Variants in LYST observed in about 807,000 individuals in gnomAD.
The protein encoded by LYST is lysosomal-trafficking regulator.
LYST carries 192 observed loss-of-function variants against 413.6 expected under a neutral mutation model. That is an observed-to-expected ratio of 0.46 (90% confidence interval 0.41 to 0.52). The LOEUF is 0.52. Ranked by LOEUF, LYST falls within the 20% of genes least tolerant of loss-of-function variation. LYST has a pLI of 0.00. For missense variants in LYST, 3,815 were observed against 4,499.9 expected, an observed-to-expected ratio of 0.85 and a Z score of 4.35; for synonymous variants, 1,525 against 1,567.3, an observed-to-expected ratio of 0.97 and a Z score of 0.64.
chr1:235,746,665 A>G (rs1665957189), intron 28 of LYST, 138 bp from the exon 29 acceptor site: 1 of 690,880 alleles, frequency 1.4e-6, no homozygotes, highest in Non-Finnish European at 2.6e-6. Flanking sequence ...GAAAGGAAAG[A>G]GTGATTAAGA....
intron 3 of LYST, among the ~76,000 whole-genome samples, chr1:235,814,436 ACTTT>A (rs1673815860): frequency 6.6e-6 from 1 of 152,224 alleles, no homozygotes; most frequent in Admixed American, 6.5e-5. Context: ...GAAACTCCGG[ACTTT>A]AAAGACTTAA....
At chr1:235,825,966 G>A (rs1675286819) in intron 3 of LYST, among the ~76,000 whole-genome samples, 1 of 152,122 alleles carries the variant, frequency 6.6e-6, no homozygotes. Context: ...ACAGGGTACT[G>A]ATAAAAGACT....
chr1:235,834,303 C>G (rs1259984545), intron 1 of LYST, among the ~76,000 whole-genome samples: 3 of 152,056 alleles, frequency 2.0e-5, no homozygotes, highest in Non-Finnish European at 4.4e-5. Context: ...CAGTGCTTAC[C>G]AGGAAGAAGC....
intron 1 of LYST, among the ~76,000 whole-genome samples, chr1:235,853,314 T>C (rs1678767206): frequency 6.6e-6 from 1 of 152,244 alleles, no homozygotes; most frequent in Non-Finnish European, 1.5e-5. Flanking sequence ...GAATTGGCTC[T>C]GAACTAGATG....
intron 31 of LYST, among the ~76,000 whole-genome samples, 186 bp downstream of exon 31, chr1:235,741,236 A>G (rs1665373128): frequency 6.6e-6 from 1 of 152,232 alleles, no homozygotes; most frequent in Non-Finnish European, 1.5e-5. Context: ...ATTGGGAAAT[A>G]AACACAGAGG....
At chr1:235,666,221 T>TACAC (rs1405234194) in intron 50 of LYST, among the ~76,000 whole-genome samples, 1 of 116,176 alleles carries the variant, frequency 8.6e-6, no homozygotes, top group African/African-American at 3.3e-5. Flanking sequence ...ATGCAGTATG[T>TACAC]ACATACACAC....
intron 28 of LYST, among the ~76,000 whole-genome samples, chr1:235,749,306 A>G (rs898032135): frequency 1.3e-5 from 2 of 152,248 alleles, no homozygotes; most frequent in African/African-American, 4.8e-5. Flanking sequence ...GTGTAAAAAA[A>G]CAACTTAGAA....
rs2103526020 is a variant in LYST, at chr1:235,791,851, T to A, written c.4391A>T (p.Asn1464Ile). Residue 1464 changes from asparagine (N) to isoleucine (I), a missense_variant, in exon 12 of 53, where the codon AAC becomes ATC. Asn to Ile is a moderately radical substitution (Grantham distance 149, BLOSUM62 -3). Transcript: ENST00000389793. ...APVHLPLLGQ[N>I]CWPHLSEGFS... ...ACCTTCTGATAGGTGTGGCCAGCAG[T>A]TTTGCCCCAGCAACGGCAGGTGGAC... 1.2e-6 allele frequency: 2 copies of A among 1,614,120 alleles called. No homozygotes were observed. The highest frequency in any genetic ancestry group is 4.5e-5 in the East Asian group (2 of 44,884).
intron 19 of LYST, among the ~76,000 whole-genome samples, chr1:235,771,669 TA>T (rs939918599): frequency 6.6e-6 from 1 of 152,128 alleles, no homozygotes; most frequent in Admixed American, 6.5e-5. Context: ...TTACAAAGTT[TA>T]AAAAACTGAA....
intron 1 of LYST, among the ~76,000 whole-genome samples, chr1:235,834,063 C>T (rs945355288): frequency 2.0e-5 from 3 of 152,126 alleles, no homozygotes; most frequent in Non-Finnish European, 2.9e-5. Context: ...CATTACTTTC[C>T]TGTTAGGATG....
At position 235,860,524 on chromosome 1, in the gene LYST, TA is replaced by T. The variant is rs1679742758; in HGVS notation, c.-98+6318del. Among the ~76,000 whole-genome samples, 3 of 152,338 alleles carry T rather than the reference TA, an allele frequency of 2.0e-5. No individual in the cohort carries two copies. The South Asian group carries it at 6.2e-4, about 32-fold the overall frequency. Reference sequence around the variant, plus strand: ...ATTCATCCCTCCTTCTCTCCACCACTAATCTTTTTACTGTCTCCATAGTTTT... The same window carrying T: ...ATTCATCCCTCCTTCTCTCCACCACTATCTTTTTACTGTCTCCATAGTTTT... On this transcript the variant is annotated intron_variant, in intron 1 of 52. Transcript: ENST00000389793.
At chr1:235,777,358 A>C (rs1271845079) in intron 16 of LYST, 50 bp from the exon 17 acceptor site, 1 of 1,527,876 alleles carries the variant, frequency 6.5e-7, no homozygotes, top group South Asian at 1.1e-5. Flanking sequence ...TTAAAATGCA[A>C]GCTATGAACT....
chr1:235,823,590 CT>C (rs1215900698), intron 3 of LYST, among the ~76,000 whole-genome samples: 2 of 152,228 alleles, frequency 1.3e-5, no homozygotes. Context: ...GGCCTCTGCC[CT>C]TCAGGTCTCC....
intron 1 of LYST, among the ~76,000 whole-genome samples, chr1:235,837,650 GAAGTT>G (rs370851980): frequency 1.1e-3 from 163 of 151,134 alleles, no homozygotes; most frequent in East Asian, 6.4e-3. Context: ...AGAATTCTGA[GAAGTT>G]AAGTTAAGTA....
At chr1:235,677,440 T>C in intron 49 of LYST, 40 bp downstream of exon 49, 2 of 1,603,644 alleles carry the variant, frequency 1.2e-6, no homozygotes, top group East Asian at 4.5e-5. Context: ...AATGGATATA[T>C]TAAAAATGCT....
intron 48 of LYST, among the ~76,000 whole-genome samples, chr1:235,685,555 G>C (rs141330120): frequency 0.012 from 1,752 of 152,152 alleles, 36 homozygotes; most frequent in Non-Finnish European, 0.012. Context: ...GGAAAAAAAA[G>C]TAAGAACCTG....
At chr1:235,783,202 T>G (rs1200657854) in intron 14 of LYST, among the ~76,000 whole-genome samples, 2 of 152,154 alleles carry the variant, frequency 1.3e-5, no homozygotes, top group African/African-American at 4.8e-5. Flanking sequence ...TTCAACTTTG[T>G]GTATATTTAT....
chr1:235,808,409 A>G, intron 5 of LYST, 46 bp downstream of exon 5: 1 of 1,580,694 alleles, frequency 6.3e-7, no homozygotes, highest in South Asian at 1.1e-5. Flanking sequence ...AGATCTAGAC[A>G]TGCTCAACAA....
chr1:235,697,787 AG>A (rs1305795361), intron 45 of LYST, among the ~76,000 whole-genome samples: 1 of 152,224 alleles, frequency 6.6e-6, no homozygotes, highest in Non-Finnish European at 1.5e-5. Flanking sequence ...GATGAGTGAA[AG>A]GGAAAGTGTT....
Sources: gnomAD v4.1 joint callset for allele counts (sites outside exome capture counted in the v4.1 genomes callset) on GRCh38, gnomAD v4.1.1 for gene constraint, MANE v1.5 for transcripts, NCBI Gene and HGNC (gene_info 2026-07-23, HGNC 2026-07-21) for gene names.